The following SYCE2 variants were observed in gnomAD, a reference collection of about 807,000 sequenced individuals.
SYCE2 encodes synaptonemal complex central element protein 2.
In SYCE2, 3 loss-of-function variants were observed where a neutral mutation model predicts 27.9. That is an observed-to-expected ratio of 0.11 (90% CI 0.05 to 0.28). The LOEUF (loss-of-function observed/expected upper bound fraction) is 0.28, where lower values mean the gene tolerates loss of function less well. Ranked by LOEUF, SYCE2 falls within the 10% of genes least tolerant of loss-of-function variation. The pLI, the probability that SYCE2 is intolerant of heterozygous loss-of-function variation, is 1.00. For synonymous variants in SYCE2, 85 were observed against 100.7 expected (o/e 0.84, Z 0.93); for missense variants, 207 against 263.5 (o/e 0.79, Z 1.48).
chr19:12,917,419 G>A (rs1237049280), intron 2 of SYCE2, among the ~76,000 whole-genome samples: 4 of 151,984 alleles, frequency 2.6e-5, no homozygotes, highest in Non-Finnish European at 5.9e-5. Flanking sequence ...CTGGCATGCA[G>A]TGGCATGATC....
chr19:12,904,474 C>A lies in SYCE2; in HGVS notation c.306+18G>T. 1 of 1,613,740 alleles carries A rather than the reference C, an allele frequency of 6.2e-7. No individual in the cohort carries two copies. Among genetic ancestry groups the A allele is most frequent in the Non-Finnish European group, 8.5e-7 (1 of 1,179,750 alleles). On this transcript the variant is annotated intron_variant, in intron 3 of 5. Transcript: ENST00000293695. ...TTTGCATAAGGAATCCCCCCTCTCG[C>A]TGGGTGGAGTCTGTCACCTTGGTCT...
chr19:12,916,438 C>T (rs115581760), intron 2 of SYCE2, among the ~76,000 whole-genome samples: 3,071 of 152,172 alleles, frequency 0.02, 49 homozygotes, highest in Middle Eastern at 0.065. Flanking sequence ...TTCATACTTG[C>T]GGCCCCCTCT....
At chr19:12,900,786 G>T in intron 3 of SYCE2, 138 bp from the exon 4 acceptor site, 1 of 815,644 alleles carries the variant, frequency 1.2e-6, no homozygotes, top group Non-Finnish European at 1.9e-6. Context: ...GCTCATGCCT[G>T]TAACCCCAGC....
chr19:12,909,551 TTTTTTA>T (rs1489465324), intron 2 of SYCE2, among the ~76,000 whole-genome samples: 10 of 152,004 alleles, frequency 6.6e-5, no homozygotes, highest in African/African-American at 2.2e-4. Context: ...CCTTCTTTGT[TTTTTTA>T]TTTTTATTTT....
intron 5 of SYCE2, 165 bp from the exon 6 acceptor site, chr19:12,899,550 A>G: frequency 6.2e-7 from 1 of 1,614,214 alleles, no homozygotes; most frequent in South Asian, 1.1e-5. Flanking sequence ...GAGCCGCTCC[A>G]TCAGGGGCCC....
Position 12,918,273 on chromosome 19 carries a change from T to C in SYCE2, c.80A>G (p.His27Arg), listed in dbSNP as rs1971173383. 2 of 1,614,158 alleles carry C rather than the reference T, an allele frequency of 1.2e-6. No homozygotes were observed. The highest frequency in any genetic ancestry group is 1.7e-5 in the Admixed American group (1 of 60,004). Reference sequence around the variant, plus strand: ...CTCGCAGTTCTCTTCCCACCGCGGATGCTCCTTGCTCTCCCCCAAGGGCTG... The same window carrying C: ...CTCGCAGTTCTCTTCCCACCGCGGACGCTCCTTGCTCTCCCCCAAGGGCTG... The part of the protein sequence containing the change: ...EPQPLGESKE[H>R]PRWEENCEEE... Residue 27 changes from histidine to arginine, a missense_variant, in exon 2 of 6, where the codon CAT (histidine) becomes CGT (arginine). Coordinates refer to ENST00000293695, the MANE Select transcript of SYCE2 (RefSeq NM_001105578.2).
chr19:12,908,086 A>G (rs941576677), intron 2 of SYCE2, among the ~76,000 whole-genome samples: 3 of 151,976 alleles, frequency 2.0e-5, no homozygotes, highest in African/African-American at 7.2e-5. Flanking sequence ...ACTGGAGCCT[A>G]GATGATATCA....
chr19:12,900,534 G>T lies in SYCE2; in HGVS notation c.421C>A (p.His141Asn). 2 of 1,614,160 alleles carry T rather than the reference G, an allele frequency of 1.2e-6. No individual in the cohort carries two copies. Among genetic ancestry groups the T allele is most frequent in the Non-Finnish European group, 1.7e-6 (2 of 1,180,046 alleles). ...ACTTGTTTGAGCTCTGTCTCCAAAT[G>T]GCTGATCTTTGCCATTTTCTGGGTG... The part of the protein sequence containing the change: ...EFTQKMAKIS[H>N]LETELKQVCH... The change falls in exon 4 of 6, where the codon CAT becomes AAT. Residue 141 changes from histidine to asparagine, a missense_variant. Transcript: ENST00000293695.
At chr19:12,918,186 G>C (rs1159077152) in intron 2 of SYCE2, 36 bp downstream of exon 2, 1 of 1,547,024 alleles carries the variant, frequency 6.5e-7, no homozygotes, top group Non-Finnish European at 8.9e-7. Context: ...GGACCCAGGG[G>C]CCTGTGTAGA....
intron 3 of SYCE2, among the ~76,000 whole-genome samples, chr19:12,903,444 C>T (rs1391885590): frequency 6.8e-6 from 1 of 148,052 alleles, no homozygotes; most frequent in African/African-American, 2.5e-5. Flanking sequence ...GGCTGGAGTG[C>T]AGTGGTGCAA....
intron 2 of SYCE2, among the ~76,000 whole-genome samples, chr19:12,917,030 G>A (rs1009516035): frequency 6.0e-5 from 9 of 151,068 alleles, no homozygotes; most frequent in South Asian, 2.1e-4. Flanking sequence ...GATTACAGGC[G>A]TGAGCCACTG....
chr19:12,899,333 G>C lies in SYCE2; in HGVS notation c.*8C>G, dbSNP rs200750801. 1 of 1,613,200 alleles carries C rather than the reference G, an allele frequency of 6.2e-7. No homozygotes were observed. Among genetic ancestry groups the C allele is most frequent in the Admixed American group, 1.7e-5 (1 of 60,002 alleles). ...ACTGTCACTAAGGCGTGAGTCTCCC[G>C]GCAGCTGTCAGCATTCACCATCTCT... On this transcript the variant is annotated 3_prime_UTR_variant, in exon 6 of 6. Coordinates refer to ENST00000293695, the MANE Select transcript of SYCE2 (RefSeq NM_001105578.2).
chr19:12,915,344 T>C (rs1971118180), intron 2 of SYCE2, among the ~76,000 whole-genome samples: 1 of 152,100 alleles, frequency 6.6e-6, no homozygotes, highest in Admixed American at 6.6e-5. Flanking sequence ...CTCACGCCTA[T>C]AATCTCAGCA....
intron 2 of SYCE2, among the ~76,000 whole-genome samples, chr19:12,914,388 T>G (rs1971099376): frequency 6.6e-6 from 1 of 152,114 alleles, no homozygotes; most frequent in Non-Finnish European, 1.5e-5. Context: ...GGAAGAGATG[T>G]GTAGAATTGG....
At position 12,919,237 on chromosome 19, in the gene SYCE2, G is replaced by C; in HGVS notation, c.15+6C>G. On this transcript the variant is annotated splice_donor_region_variant and intron_variant, in intron 1 of 5. Coordinates refer to ENST00000293695, the MANE Select transcript of SYCE2 (RefSeq NM_001105578.2). ...CACGCGCGAGAAGGAAACAAGCGCC[G>C]CGTACTCCCTGTCGCTCCATTCCGT... is the stretch of plus-strand genomic sequence containing the variant. 1 of 1,611,250 alleles carries C rather than the reference G, an allele frequency of 6.2e-7. No individual in the cohort carries two copies. Among genetic ancestry groups the C allele is most frequent in the Non-Finnish European group, 8.5e-7 (1 of 1,179,988 alleles).
At position 12,899,776 on chromosome 19, in the gene SYCE2, A is replaced by G. The variant is rs750127457; in HGVS notation, c.612+228T>C. 3 of 1,604,046 alleles carry G rather than the reference A, an allele frequency of 1.9e-6. No homozygotes were observed. The East Asian group carries it at 6.7e-5, about 36-fold the overall frequency. ...CAATCCACTTTTAACCATGGATGAG[A>G]GCAGACTCCATTTACCCTGAAATAG... is the stretch of plus-strand genomic sequence containing the variant. On this transcript the variant is annotated intron_variant, in intron 5 of 5. Coordinates refer to ENST00000293695, the MANE Select transcript of SYCE2 (RefSeq NM_001105578.2).
intron 5 of SYCE2, 96 bp from the exon 6 acceptor site, chr19:12,899,481 T>G: frequency 6.2e-7 from 1 of 1,614,198 alleles, no homozygotes; most frequent in Non-Finnish European, 8.5e-7. Flanking sequence ...CACATGACAT[T>G]CACGCCCTGA....
At chr19:12,919,206 C>T (rs1225861400) in intron 1 of SYCE2, 37 bp downstream of exon 1, 2 of 1,609,228 alleles carry the variant, frequency 1.2e-6, no homozygotes, top group East Asian at 2.2e-5. Flanking sequence ...ATCTGTCCGC[C>T]CGCCCCACGC....
At chr19:12,917,676 T>TTTTTTTTTTA (rs1971161330) in intron 2 of SYCE2, among the ~76,000 whole-genome samples, 3 of 146,696 alleles carry the variant, frequency 2.0e-5, no homozygotes, top group South Asian at 2.2e-4. Flanking sequence ...TTTTTTTTTT[T>TTTTTTTTTTA]GAGACAGCGT....
Sources: allele counts gnomAD v4.1 joint callset (sites outside exome capture counted in the v4.1 genomes callset), GRCh38; gene constraint gnomAD v4.1.1; transcripts MANE v1.5; gene names NCBI Gene and HGNC (gene_info 2026-07-23, HGNC 2026-07-21).